Variants in EFHC2 observed in about 807,000 individuals in gnomAD.
EFHC2 encodes EF-hand domain-containing family member C2.
EFHC2 carries 18 observed loss-of-function variants against 52.7 expected under a neutral mutation model. The observed-to-expected ratio is 0.34, with a 90% confidence interval of 0.24 to 0.51. The LOEUF (loss-of-function observed/expected upper bound fraction) is 0.51, where lower values mean the gene tolerates loss of function less well. EFHC2 is among the 20% of genes least tolerant of loss of function. The probability of loss-of-function intolerance (pLI) is 0.97; values close to 1 mark genes in which losing one functional copy is unlikely to be tolerated. For synonymous variants in EFHC2, 203 were observed against 204.1 expected, an observed-to-expected ratio of 0.99 and a Z score of 0.04; for missense variants, 513 against 562.5, an observed-to-expected ratio of 0.91 and a Z score of 0.89.
intron 4 of EFHC2, among the ~76,000 whole-genome samples, chrX:44,254,207 C>T (rs996974514): frequency 8.9e-6 from 1 of 111,933 alleles, no homozygotes; most frequent in African/African-American, 3.3e-5. Flanking sequence ...ACCAGAACAC[C>T]TCTTCTCCTC....
chrX:44,326,050 C>T (rs892164961), intron 1 of EFHC2, among the ~76,000 whole-genome samples: 2 of 108,081 alleles, frequency 1.9e-5, no homozygotes, highest in Non-Finnish European at 3.8e-5. Flanking sequence ...CACACTACCA[C>T]ACCCTGCTAA....
At chrX:44,264,198 T>G (rs1180920723) in intron 3 of EFHC2, among the ~76,000 whole-genome samples, 4 of 112,303 alleles carry the variant, frequency 3.6e-5, no homozygotes, top group African/African-American at 1.3e-4. Flanking sequence ...TTTCCATAGT[T>G]TGCACTGAGC....
intron 2 of EFHC2, chrX:44,284,344 C>T (rs1175532023): frequency 9.0e-6 from 1 of 111,572 alleles, no homozygotes; most frequent in East Asian, 2.8e-4. Flanking sequence ...AACGTAGCTC[C>T]TATAATTCCA....
intron 1 of EFHC2, among the ~76,000 whole-genome samples, chrX:44,321,146 T>C (rs147355466): frequency 8.1e-5 from 9 of 111,535 alleles, no homozygotes; most frequent in Non-Finnish European, 1.3e-4. Flanking sequence ...GATTTACCAA[T>C]AGATTAGATG....
At chrX:44,167,913 C>T (rs564626840) in intron 13 of EFHC2, among the ~76,000 whole-genome samples, 1 of 112,012 alleles carries the variant, frequency 8.9e-6, no homozygotes, top group Middle Eastern at 4.6e-3. Context: ...TCTCCCTTTT[C>T]CCCAAAATCC....
Position 44,148,580 on chromosome X carries a change from T to C in EFHC2, c.*215A>G, listed in dbSNP as rs1174000592. ...ACATATAATAAAAATATTCAACATG[T>C]TTTAAGATGGCATTTTAAATAGTAA... On this transcript the variant is annotated 3_prime_UTR_variant, in exon 15 of 15. Coordinates refer to ENST00000420999, the MANE Select transcript of EFHC2 (RefSeq NM_025184.4). 5 of 349,381 alleles carry C rather than the reference T, an allele frequency of 1.4e-5. No homozygotes were observed. The highest frequency in any genetic ancestry group is 2.4e-5 in the Non-Finnish European group (5 of 205,164). The allele number at this position is 349,381 out of a possible 1,213,427, so 28.8% of individuals were successfully genotyped here. A position where few individuals can be genotyped will look rare whatever the true frequency, so the allele number is the denominator to read the frequency against.
chrX:44,343,001 G>T (rs1602225971), intron 1 of EFHC2, among the ~76,000 whole-genome samples: 1 of 110,057 alleles, frequency 9.1e-6, no homozygotes, highest in South Asian at 3.9e-4. Flanking sequence ...ACTCTTATCT[G>T]CCACCTACCC....
intron 14 of EFHC2, among the ~76,000 whole-genome samples, chrX:44,161,217 G>C (rs1453822409): frequency 8.9e-6 from 1 of 112,088 alleles, no homozygotes; most frequent in Non-Finnish European, 1.9e-5. Flanking sequence ...GGTATGTCCT[G>C]TATATTATTC....
intron 2 of EFHC2, among the ~76,000 whole-genome samples, chrX:44,290,968 T>G (rs1419857341): frequency 8.9e-6 from 1 of 111,942 alleles, no homozygotes; most frequent in African/African-American, 3.2e-5. Context: ...CTTGTCACTT[T>G]CTCGGGAAGT....
chrX:44,249,777 C>T (rs2037428267), intron 5 of EFHC2, among the ~76,000 whole-genome samples: 1 of 112,359 alleles, frequency 8.9e-6, no homozygotes, highest in Non-Finnish European at 1.9e-5. Context: ...TGCATGTGTA[C>T]ATGCACATGT....
rs747906272 is a variant in EFHC2, at chrX:44,232,106, TAACTGGG to T, written c.1620+368_1620+374del. ...GCCTTCTCTGTTGGCCTGTGCCAAT[TAACTGGG>T]ACGGCACAGTGTGTGGCACCAGATT... On this transcript the variant is annotated intron_variant, in intron 10 of 14. Coordinates refer to ENST00000420999, the MANE Select transcript of EFHC2 (RefSeq NM_025184.4). 9.8e-5 allele frequency among the ~76,000 whole-genome samples: 11 copies of T among 112,784 alleles called. No homozygotes were observed. The East Asian group carries it at 2.8e-3, about 29-fold the overall frequency.
At chrX:44,303,319 G>A (rs999867343) in intron 2 of EFHC2, among the ~76,000 whole-genome samples, 3 of 111,579 alleles carry the variant, frequency 2.7e-5, no homozygotes, top group African/African-American at 9.8e-5. Flanking sequence ...GCCATGAAAT[G>A]TCAAACATCC....
At chrX:44,291,077 C>CGTT (rs2037789853) in intron 2 of EFHC2, among the ~76,000 whole-genome samples, 1 of 111,973 alleles carries the variant, frequency 8.9e-6, no homozygotes, top group Non-Finnish European at 1.9e-5. Context: ...AGGTGGAACA[C>CGTT]CTCCCTGGCC....
chrX:44,294,314 A>G (rs140826665), intron 2 of EFHC2, among the ~76,000 whole-genome samples: 1 of 107,226 alleles, frequency 9.3e-6, no homozygotes, highest in Non-Finnish European at 1.9e-5. Flanking sequence ...CAGGAATAAT[A>G]TGAGAACCAA....
chrX:44,296,318 C>T (rs1196567330), intron 2 of EFHC2, among the ~76,000 whole-genome samples: 1 of 111,322 alleles, frequency 9.0e-6, no homozygotes, highest in Non-Finnish European at 1.9e-5. Flanking sequence ...GCCAAGTAGA[C>T]CAGAACTGAA....
chrX:44,326,600 A>C (rs572863778), intron 1 of EFHC2, among the ~76,000 whole-genome samples: 4 of 111,157 alleles, frequency 3.6e-5, no homozygotes, highest in African/African-American at 1.3e-4. Flanking sequence ...AACATACTAA[A>C]ATATAGTTAA....
intron 11 of EFHC2, among the ~76,000 whole-genome samples, chrX:44,205,636 G>T (rs2037043186): frequency 9.0e-6 from 1 of 110,973 alleles, no homozygotes; most frequent in Non-Finnish European, 1.9e-5. Flanking sequence ...ACAAAGAAGG[G>T]CACTATATAA....
intron 14 of EFHC2, among the ~76,000 whole-genome samples, chrX:44,154,345 G>A (rs1215703780): frequency 8.9e-6 from 1 of 112,155 alleles, no homozygotes; most frequent in East Asian, 2.8e-4. Flanking sequence ...GATGAATACC[G>A]CAGCTCCCTT....
intron 7 of EFHC2, among the ~76,000 whole-genome samples, chrX:44,245,976 C>T (rs1418581216): frequency 9.0e-6 from 1 of 111,434 alleles, no homozygotes; most frequent in Non-Finnish European, 1.9e-5. Flanking sequence ...CTGCGTGCTG[C>T]ACAGTGGAGA....
Sources: allele counts gnomAD v4.1 joint callset (sites outside exome capture counted in the v4.1 genomes callset), GRCh38; gene constraint gnomAD v4.1.1; transcripts MANE v1.5; gene names NCBI Gene and HGNC (gene_info 2026-07-23, HGNC 2026-07-21).